Variants in DOCK8 observed in about 807,000 individuals in gnomAD.
DOCK8 encodes dedicator of cytokinesis 8, also known as dedicator of cytokinesis protein 8.
DOCK8 carries 141 observed loss-of-function variants against 245.6 expected under a neutral mutation model. The observed-to-expected ratio is 0.57, with a 90% CI of 0.50 to 0.66. The LOEUF (loss-of-function observed/expected upper bound fraction) is 0.66, where lower values mean the gene tolerates loss of function less well. DOCK8 is among the 30% of genes least tolerant of loss of function. The probability of loss-of-function intolerance (pLI) is 0.00; values close to 1 mark genes in which losing one functional copy is unlikely to be tolerated. For synonymous variants in DOCK8, 1,168 were observed against 970.2 expected (o/e 1.20, Z -3.79); for missense variants, 2,965 against 2,603.4 (o/e 1.14, Z -3.02).
At chr9:354,625 A>G (rs1428135129) in intron 14 of DOCK8, among the ~76,000 whole-genome samples, 1 of 152,188 alleles carries the variant, frequency 6.6e-6, no homozygotes, top group African/African-American at 2.4e-5. Context: ...CGTCACCTCA[A>G]GGGTCCCCTG....
At chr9:399,944 T>C (rs1410188100) in intron 26 of DOCK8, among the ~76,000 whole-genome samples, 1 of 148,694 alleles carries the variant, frequency 6.7e-6, no homozygotes. Context: ...CCATTCTCAT[T>C]AGTCCCATGC....
intron 4 of DOCK8, among the ~76,000 whole-genome samples, chr9:296,459 A>G (rs2049263397): frequency 6.6e-6 from 1 of 152,190 alleles, no homozygotes; most frequent in Non-Finnish European, 1.5e-5. Context: ...CAGCATCATA[A>G]AAGCCTTTAG....
chr9:428,248 C>G (rs1254577860), intron 34 of DOCK8, 114 bp from the exon 35 acceptor site: 1 of 1,556,464 alleles, frequency 6.4e-7, no homozygotes, highest in Non-Finnish European at 8.8e-7. Context: ...TCACCAAACT[C>G]TTAAGACTCA....
Position 339,908 on chromosome 9 carries a change from C to CT in DOCK8, c.1517-248dup, listed in dbSNP as rs201756911. 0.018 allele frequency among the ~76,000 whole-genome samples: 2,677 copies of CT among 152,330 alleles called. 71 individuals carry two copies. The highest frequency in any genetic ancestry group is 0.062 in the African/African-American group (2,575 of 41,582). On this transcript the variant is annotated intron_variant, in intron 13 of 47. Transcript: ENST00000432829. ...TATACTGTGGTAATTCAGGAAAGAA[C>CT]TTTAAAAATCCTCTAATCCATTCCT...
At chr9:459,906 C>T (rs933218841) in intron 46 of DOCK8, 1 of 152,224 alleles carries the variant, frequency 6.6e-6, no homozygotes, top group African/African-American at 2.4e-5. Flanking sequence ...GGCCATATTA[C>T]CTTTTATTAG....
In DOCK8 at chr9:377,177, G is replaced by C. The variant is rs373893174; in HGVS notation, c.2406G>C (p.Leu802=). 1.9e-6 allele frequency: 3 copies of C among 1,602,032 alleles called. No individual in the cohort carries two copies. The highest frequency in any genetic ancestry group is 2.5e-6 in the Non-Finnish European group (3 of 1,179,012). ...TGGTGCTGGACAAGCTCTTCCAGCT[G>C]TCCGTGCAGCCCATGGTCATCGCTG... The part of the protein sequence containing the change: ...LHLVLDKLFQ[L]SVQPMVIAGQ... The change falls in exon 20 of 48, where the codon CTG becomes CTC. Residue 802 remains leucine, a synonymous_variant. Coordinates refer to ENST00000432829, the MANE Select transcript of DOCK8 (RefSeq NM_203447.4).
chr9:282,239 G>C (rs1187216423), intron 2 of DOCK8, among the ~76,000 whole-genome samples: 1 of 152,226 alleles, frequency 6.6e-6, no homozygotes, highest in Admixed American at 6.5e-5. Flanking sequence ...CAGGAGCTCA[G>C]TATGCCCTAC....
chr9:242,076 A>T (rs2047386358), intron 1 of DOCK8, among the ~76,000 whole-genome samples: 2 of 152,230 alleles, frequency 1.3e-5, no homozygotes, highest in South Asian at 4.1e-4. Flanking sequence ...TTGTGTTGGT[A>T]CATGCGATCT....
intron 4 of DOCK8, among the ~76,000 whole-genome samples, chr9:292,923 C>A (rs949473830): frequency 6.6e-6 from 1 of 152,028 alleles, no homozygotes; most frequent in Non-Finnish European, 1.5e-5. Flanking sequence ...TTATGTGTCT[C>A]CATTTGTTTT....
chr9:438,528 C>T (rs775056077), intron 39 of DOCK8, among the ~76,000 whole-genome samples: 14 of 152,326 alleles, frequency 9.2e-5, no homozygotes, highest in Middle Eastern at 6.8e-3. Context: ...GAGGCACTCA[C>T]CCTCAGGGTC....
intron 6 of DOCK8, chr9:312,811 G>C (rs1240935756): frequency 3.3e-6 from 1 of 305,808 alleles, no homozygotes; most frequent in African/African-American, 2.2e-5. Flanking sequence ...TTGTCTGTTT[G>C]AACTCCTTAT....
At chr9:447,518 G>A (rs943660061) in intron 44 of DOCK8, among the ~76,000 whole-genome samples, 1 of 152,076 alleles carries the variant, frequency 6.6e-6, no homozygotes, top group Non-Finnish European at 1.5e-5. Context: ...TTTTCTCCCC[G>A]AGACTTTGAC....
chr9:390,319 G>A (rs2054133572), intron 23 of DOCK8, 152 bp from the exon 24 acceptor site: 2 of 723,070 alleles, frequency 2.8e-6, no homozygotes, highest in South Asian at 3.1e-5. Context: ...CACTGACTTT[G>A]CCATCCACCA....
At chr9:292,380 TC>T (rs1398670219) in intron 4 of DOCK8, among the ~76,000 whole-genome samples, 2 of 68,810 alleles carry the variant, frequency 2.9e-5, no homozygotes, top group Admixed American at 2.6e-4. Flanking sequence ...AGAGTGAAAC[TC>T]CGTCTCAAAA....
chr9:399,854 T>A (rs963243368), intron 26 of DOCK8, among the ~76,000 whole-genome samples: 1 of 151,966 alleles, frequency 6.6e-6, no homozygotes, highest in African/African-American at 2.4e-5. Flanking sequence ...ATAGCAGTTA[T>A]TGTTGCTGCT....
intron 1 of DOCK8, among the ~76,000 whole-genome samples, chr9:230,358 C>T (rs2047084313): frequency 6.6e-6 from 1 of 152,082 alleles, no homozygotes; most frequent in East Asian, 1.9e-4. Flanking sequence ...CTGCTATAAA[C>T]ATACGTGTGC....
intron 24 of DOCK8, among the ~76,000 whole-genome samples, chr9:393,666 C>T (rs2054308444): frequency 6.6e-6 from 1 of 152,122 alleles, no homozygotes; most frequent in African/African-American, 2.4e-5. Context: ...CTAGGAAGTC[C>T]CTTATGGTAA....
At chr9:308,109 A>T (rs926424760) in intron 5 of DOCK8, among the ~76,000 whole-genome samples, 2 of 152,214 alleles carry the variant, frequency 1.3e-5, no homozygotes, top group Non-Finnish European at 2.9e-5. Context: ...TTATAGCTAG[A>T]TAGGAGGAAT....
intron 1 of DOCK8, among the ~76,000 whole-genome samples, chr9:221,978 G>A (rs1223060709): frequency 6.6e-6 from 1 of 151,846 alleles, no homozygotes; most frequent in East Asian, 1.9e-4. Flanking sequence ...TCCAGGCTGG[G>A]CACAGTGGCT....
Sources: gnomAD v4.1 joint callset for allele counts (sites outside exome capture counted in the v4.1 genomes callset) on GRCh38, gnomAD v4.1.1 for gene constraint, MANE v1.5 for transcripts, NCBI Gene and HGNC (gene_info 2026-07-23, HGNC 2026-07-21) for gene names.